The following ADGRL2 variants were observed in gnomAD, a reference collection of about 807,000 sequenced individuals.
The protein encoded by ADGRL2 is calcium-independent alpha-latrotoxin receptor 2.
In ADGRL2, 44 loss-of-function variants were observed where a neutral mutation model predicts 157.4. That is an observed-to-expected ratio of 0.28 (90% CI 0.22 to 0.36). ADGRL2 has a LOEUF of 0.36. Ranked by LOEUF, ADGRL2 falls within the 10% of genes least tolerant of loss-of-function variation. The pLI, the probability that ADGRL2 is intolerant of heterozygous loss-of-function variation, is 1.00. For missense variants in ADGRL2, 1,510 were observed against 1,768.9 expected, an observed-to-expected ratio of 0.85 and a Z score of 2.63; for synonymous variants, 585 against 624.7, an observed-to-expected ratio of 0.94 and a Z score of 0.95.
intron 2 of ADGRL2, among the ~76,000 whole-genome samples, chr1:81,895,432 C>T (rs1312446449): frequency 1.8e-5 from 2 of 108,524 alleles, no homozygotes; most frequent in Admixed American, 2.3e-4. Context: ...GAGTTTCACT[C>T]TTGTTGCCCA....
chr1:81,924,413 A>G lies in ADGRL2; in HGVS notation c.288-12315A>G, dbSNP rs147776953. Among the ~76,000 whole-genome samples, 3 of 152,274 alleles carry G rather than the reference A, an allele frequency of 2.0e-5. No homozygotes were observed. The East Asian group carries it at 5.8e-4, about 29-fold the overall frequency. ...GTGTGCTAGCTGTTTTAAATTACAT[A>G]GATATCAAGATTCTCAAAGTCTACA... is the stretch of plus-strand genomic sequence containing the variant. On this transcript the variant is annotated intron_variant, in intron 3 of 23. Transcript: ENST00000686636.
At chr1:81,826,849 T>A (rs1463246189) in intron 1 of ADGRL2, among the ~76,000 whole-genome samples, 1 of 152,210 alleles carries the variant, frequency 6.6e-6, no homozygotes, top group Non-Finnish European at 1.5e-5. Context: ...TAATATAATG[T>A]TATTAAAAAT....
At chr1:81,616,632 T>C (rs1483907983) in intron 3 of ADGRL2, among the ~76,000 whole-genome samples, 3 of 151,120 alleles carry the variant, frequency 2.0e-5, no homozygotes, top group African/African-American at 7.3e-5. Flanking sequence ...TAGTATCCAC[T>C]TCTAGTTTTT....
intron 3 of ADGRL2, among the ~76,000 whole-genome samples, chr1:81,917,500 G>GA (rs1235607036): frequency 4.0e-5 from 6 of 151,878 alleles, no homozygotes; most frequent in Non-Finnish European, 1.5e-5. Context: ...ATGTTAGAAG[G>GA]AAAAATCTCA....
intron 2 of ADGRL2, among the ~76,000 whole-genome samples, chr1:81,768,678 G>A (rs934652255): frequency 3.9e-5 from 6 of 152,004 alleles, no homozygotes; most frequent in African/African-American, 1.4e-4. Flanking sequence ...TCACTATGTT[G>A]TTCAGGCTGG....
chr1:81,853,775 T>C (rs975672464), intron 2 of ADGRL2, among the ~76,000 whole-genome samples: 1 of 152,194 alleles, frequency 6.6e-6, no homozygotes, highest in East Asian at 1.9e-4. Flanking sequence ...CTGTCATTTT[T>C]TTCTAAGAAA....
chr1:81,911,771 T>G (rs1381759011), intron 3 of ADGRL2, among the ~76,000 whole-genome samples: 1 of 152,164 alleles, frequency 6.6e-6, no homozygotes, highest in Non-Finnish European at 1.5e-5. Context: ...CAAAGAAGTA[T>G]GAAACGTAAT....
intron 3 of ADGRL2, among the ~76,000 whole-genome samples, chr1:81,650,216 T>C (rs2082387377): frequency 6.6e-6 from 1 of 152,096 alleles, no homozygotes. Context: ...AAATGAATGA[T>C]TGACTTTTGC....
chr1:81,668,875 G>T (rs1256337552), intron 3 of ADGRL2, among the ~76,000 whole-genome samples: 1 of 151,764 alleles, frequency 6.6e-6, no homozygotes, highest in Non-Finnish European at 1.5e-5. Flanking sequence ...TGGCCCACCT[G>T]CTTGTTTTAA....
At chr1:81,693,031 G>A (rs1416549675) in intron 3 of ADGRL2, among the ~76,000 whole-genome samples, 1 of 152,164 alleles carries the variant, frequency 6.6e-6, no homozygotes, top group Non-Finnish European at 1.5e-5. Context: ...GCCATGCCCT[G>A]AGTTCATGAC....
chr1:81,611,334 G>A (rs2081537006), intron 3 of ADGRL2, among the ~76,000 whole-genome samples: 1 of 152,184 alleles, frequency 6.6e-6, no homozygotes, highest in African/African-American at 2.4e-5. Context: ...GACAAGTCTG[G>A]AAGTCTCAGT....
chr1:81,942,114 C>A, intron 5 of ADGRL2, 69 bp downstream of exon 5: 1 of 651,974 alleles, frequency 1.5e-6, no homozygotes, highest in South Asian at 1.9e-5. Context: ...TCCTCCCTCC[C>A]CTCTCCCCAC....
chr1:81,579,240 C>T (rs545963389), intron 2 of ADGRL2: 1 of 152,280 alleles, frequency 6.6e-6, no homozygotes, highest in African/African-American at 2.4e-5. Context: ...AACCATGCTG[C>T]TTCCATTGTC....
chr1:81,825,657 C>CAAAAAAA (rs71085375), intron 1 of ADGRL2, among the ~76,000 whole-genome samples: 6 of 86,750 alleles, frequency 6.9e-5, no homozygotes, highest in African/African-American at 2.5e-4. Context: ...ACCCTGTCTC[C>CAAAAAAA]AAAAAAAAAA....
intron 1 of ADGRL2, among the ~76,000 whole-genome samples, chr1:81,352,449 G>A (rs1019809510): frequency 6.6e-6 from 1 of 152,158 alleles, no homozygotes; most frequent in South Asian, 2.1e-4. Flanking sequence ...AATTTAAACA[G>A]CCTGAAATTG....
intron 4 of ADGRL2, among the ~76,000 whole-genome samples, chr1:81,939,994 A>T (rs1231664905): frequency 6.6e-6 from 1 of 151,228 alleles, no homozygotes; most frequent in Non-Finnish European, 1.5e-5. Context: ...TATAATTTAT[A>T]CTTATTTTCC....
chr1:81,958,362 A>T (rs1488792122), intron 11 of ADGRL2, among the ~76,000 whole-genome samples: 1 of 152,036 alleles, frequency 6.6e-6, no homozygotes, highest in East Asian at 1.9e-4. Flanking sequence ...ATTTACTGTG[A>T]GGGAAACGTT....
chr1:81,842,353 C>CTTTTTTTT (rs71085377), intron 2 of ADGRL2, among the ~76,000 whole-genome samples: 3 of 54,950 alleles, frequency 5.5e-5, no homozygotes, highest in African/African-American at 7.7e-5. Flanking sequence ...TCTTTTAGCG[C>CTTTTTTTT]TTTTTTTTTT....
chr1:81,497,151 A>G (rs2078748067), intron 2 of ADGRL2, among the ~76,000 whole-genome samples: 1 of 152,194 alleles, frequency 6.6e-6, no homozygotes, highest in African/African-American at 2.4e-5. Context: ...CACTGTGTAG[A>G]AAACTGCCAG....
Sources: gnomAD v4.1 joint callset for allele counts (sites outside exome capture counted in the v4.1 genomes callset) on GRCh38, gnomAD v4.1.1 for gene constraint, MANE v1.5 for transcripts, NCBI Gene and HGNC (gene_info 2026-07-23, HGNC 2026-07-21) for gene names.